Variants in CYP2C19 observed in about 807,000 individuals in gnomAD.
CYP2C19 encodes cytochrome P450 family 2 subfamily C member 19.
A neutral mutation model predicts 40.9 loss-of-function variants in CYP2C19; 59 were observed. The observed-to-expected ratio is 1.44, with a 90% CI of 1.17 to 1.79. CYP2C19 has a LOEUF of 1.79. CYP2C19 is among the 40% of genes most tolerant of loss of function. The pLI, the probability that CYP2C19 is intolerant of heterozygous loss-of-function variation, is 0.00. For missense variants in CYP2C19, 754 were observed against 596.9 expected (o/e 1.26, Z -2.74); for synonymous variants, 253 against 208.7 (o/e 1.21, Z -1.83).
chr10:94,842,482 A>G (rs1273177884), intron 6 of CYP2C19, among the ~76,000 whole-genome samples: 1 of 139,862 alleles, frequency 7.1e-6, no homozygotes, highest in Non-Finnish European at 1.5e-5. Flanking sequence ...ATTTTAGTCC[A>G]TTTACATTCA....
intron 6 of CYP2C19, among the ~76,000 whole-genome samples, chr10:94,841,668 C>T (rs1849497252): frequency 6.6e-6 from 1 of 151,892 alleles, no homozygotes; most frequent in South Asian, 2.1e-4. Context: ...TTGCAGTAGC[C>T]CCTAGGTTTT....
intron 5 of CYP2C19, among the ~76,000 whole-genome samples, chr10:94,799,487 T>G (rs564127523): frequency 2.6e-5 from 4 of 152,316 alleles, no homozygotes; most frequent in African/African-American, 7.2e-5. Flanking sequence ...GTCTTGGGGT[T>G]GCTCTTCTCG....
chr10:94,796,338 T>G lies in CYP2C19; in HGVS notation c.819+14341T>G, dbSNP rs183085200. On this transcript the variant is annotated intron_variant, in intron 5 of 8. Transcript: ENST00000371321. ...TGTGGTATTATTTCTGAGGGCTCTG[T>G]TCTGTTCCATTGGTCTATATCCATA... Among the ~76,000 whole-genome samples the G allele has an allele frequency of 1.6e-3, 240 of 152,310 alleles. 1 individual carries two copies. The highest frequency in any genetic ancestry group is 2.7e-3 in the Non-Finnish European group (187 of 68,030).
At chr10:94,802,938 T>C (rs1564670042) in intron 5 of CYP2C19, among the ~76,000 whole-genome samples, 1 of 152,222 alleles carries the variant, frequency 6.6e-6, no homozygotes, top group Non-Finnish European at 1.5e-5. Flanking sequence ...GCTTGTCATG[T>C]TTCTGCTGAG....
At chr10:94,820,857 G>T (rs763829502) in intron 6 of CYP2C19, among the ~76,000 whole-genome samples, 1 of 152,204 alleles carries the variant, frequency 6.6e-6, no homozygotes, top group African/African-American at 2.4e-5. Context: ...GGCCTAGGTG[G>T]GTGGACCATT....
rs1849685086 is a variant in CYP2C19, at chr10:94,853,451, AG to A, written c.*538del. Among the ~76,000 whole-genome samples the A allele has an allele frequency of 6.6e-6, 1 of 152,110 alleles. No individual in the cohort carries two copies. Among genetic ancestry groups the A allele is most frequent in the Non-Finnish European group, 1.5e-5 (1 of 68,008 alleles). On this transcript the variant is annotated 3_prime_UTR_variant, in exon 9 of 9. Coordinates refer to ENST00000371321, the MANE Select transcript of CYP2C19 (RefSeq NM_000769.4). ...TACATGAGGATTGGATTTGAAAGTG[AG>A]AAACTGTGTCCAGGAGCAGCTCCAA... is the stretch of plus-strand genomic sequence containing the variant.
rs188496325 is a variant in CYP2C19, at chr10:94,836,275, C to T, written c.962-6562C>T. On this transcript the variant is annotated intron_variant, in intron 6 of 8. Coordinates refer to ENST00000371321, the MANE Select transcript of CYP2C19 (RefSeq NM_000769.4). ...TCAGATACTAAGCCTGCTACTGCTG[C>T]CACTACCTGTAAACCATGAGGCCAA... Among the ~76,000 whole-genome samples the T allele has an allele frequency of 3.1e-3, 472 of 152,350 alleles. 3 individuals carry two copies. The highest frequency in any genetic ancestry group is 0.011 in the African/African-American group (449 of 41,580).
At chr10:94,799,307 C>A (rs1848732335) in intron 5 of CYP2C19, among the ~76,000 whole-genome samples, 1 of 151,688 alleles carries the variant, frequency 6.6e-6, no homozygotes, top group South Asian at 2.1e-4. Flanking sequence ...AAATTCTTTT[C>A]TTTAAGAATG....
In CYP2C19 at chr10:94,854,441, G is replaced by A. The variant is rs2134296534; in HGVS notation, c.*1527G>A. Among the ~76,000 whole-genome samples the A allele has an allele frequency of 6.6e-6, 1 of 152,050 alleles. No individual in the cohort carries two copies. Among genetic ancestry groups the A allele is most frequent in the African/African-American group, 2.4e-5 (1 of 41,492 alleles). On this transcript the variant is annotated 3_prime_UTR_variant, in exon 9 of 9. Transcript: ENST00000371321. ...ATTGTCCTAATATAATTAGCCTCAT[G>A]TCATCTCCAAAGCATAGACAACTAA... is the stretch of plus-strand genomic sequence containing the variant.
chr10:94,811,525 T>G (rs1848923625), intron 5 of CYP2C19, among the ~76,000 whole-genome samples: 1 of 152,182 alleles, frequency 6.6e-6, no homozygotes, highest in Non-Finnish European at 1.5e-5. Flanking sequence ...TAAGCCTCTT[T>G]GTAGGTCTTT....
At chr10:94,847,825 C>T (rs935277914) in intron 7 of CYP2C19, among the ~76,000 whole-genome samples, 2 of 152,140 alleles carry the variant, frequency 1.3e-5, no homozygotes, top group African/African-American at 4.8e-5. Flanking sequence ...TTTGTGATGG[C>T]CAGTGATGAT....
rs948900143 is a variant in CYP2C19, at chr10:94,854,840, G to C, written c.*1926G>C. On this transcript the variant is annotated 3_prime_UTR_variant, in exon 9 of 9. Transcript: ENST00000371321. ...GAAACATAGGCAAATAATTCAGAGAGTTAATAGAAGAGAAAGTGGAAATGG... is the reference window on the plus strand; with the variant it reads ...GAAACATAGGCAAATAATTCAGAGACTTAATAGAAGAGAAAGTGGAAATGG... Among the ~76,000 whole-genome samples the C allele has an allele frequency of 3.9e-5, 6 of 152,044 alleles. No individual in the cohort carries two copies. The highest frequency in any genetic ancestry group is 1.5e-4 in the African/African-American group (6 of 41,376).
chr10:94,781,767 T>A (rs1419628066), intron 4 of CYP2C19, 54 bp from the exon 5 acceptor site: 4 of 896,294 alleles, frequency 4.5e-6, no homozygotes, highest in Non-Finnish European at 6.1e-6. Flanking sequence ...TGGCATATTG[T>A]ATCTATACCT....
chr10:94,766,773 T>C (rs548026265), intron 1 of CYP2C19, among the ~76,000 whole-genome samples: 1 of 152,158 alleles, frequency 6.6e-6, no homozygotes, highest in African/African-American at 2.4e-5. Flanking sequence ...GAGCTGATGG[T>C]ACTGCAGGTT....
In CYP2C19 at chr10:94,778,052, G is replaced by A. The variant is rs568156160; in HGVS notation, c.482-2447G>A. Among the ~76,000 whole-genome samples, 27 of 152,282 alleles carry A rather than the reference G, an allele frequency of 1.8e-4. No individual in the cohort carries two copies. The South Asian group carries it at 5.6e-3, about 32-fold the overall frequency. On this transcript the variant is annotated intron_variant, in intron 3 of 8. Coordinates refer to ENST00000371321, the MANE Select transcript of CYP2C19 (RefSeq NM_000769.4). ...TCATATACAGGTATGAGGTGTAAGAGCAGCTAGGGGACTGTCTGGCTCAAG... is the reference window on the plus strand; with the variant it reads ...TCATATACAGGTATGAGGTGTAAGAACAGCTAGGGGACTGTCTGGCTCAAG...
At chr10:94,790,567 T>G (rs1429453442) in intron 5 of CYP2C19, among the ~76,000 whole-genome samples, 1 of 152,196 alleles carries the variant, frequency 6.6e-6, no homozygotes, top group African/African-American at 2.4e-5. Context: ...GCTGTTGAAT[T>G]TTGTCGAAGG....
chr10:94,821,796 CT>C lies in CYP2C19; in HGVS notation c.961+1167del, dbSNP rs545124213. Among the ~76,000 whole-genome samples, 534 of 151,478 alleles carry C rather than the reference CT, an allele frequency of 3.5e-3. 3 individuals are homozygous for C. The highest frequency in any genetic ancestry group is 0.011 in the African/African-American group (461 of 41,302). ...ATAACGTTCTAGAAGATTTTTTCAA[CT>C]TTTTTTTATAGATTAAAGGGTAAAA... is the stretch of plus-strand genomic sequence containing the variant. On this transcript the variant is annotated intron_variant, in intron 6 of 8. Transcript: ENST00000371321.
intron 6 of CYP2C19, among the ~76,000 whole-genome samples, chr10:94,824,303 A>T (rs1781685412): frequency 6.6e-6 from 1 of 152,170 alleles, no homozygotes; most frequent in Non-Finnish European, 1.5e-5. Flanking sequence ...GTGAACATGG[A>T]GATTAAAATT....
intron 2 of CYP2C19, 22 bp from the exon 3 acceptor site, chr10:94,775,368 G>A (rs370987525): frequency 6.2e-7 from 1 of 1,613,286 alleles, no homozygotes; most frequent in Admixed American, 1.7e-5. Context: ...CTCCCTCCTA[G>A]TTTCGTTTCT....
Sources: gnomAD v4.1 joint callset for allele counts (sites outside exome capture counted in the v4.1 genomes callset) on GRCh38, gnomAD v4.1.1 for gene constraint, MANE v1.5 for transcripts, NCBI Gene and HGNC (gene_info 2026-07-23, HGNC 2026-07-21) for gene names.